SFSWAP: variants seen among roughly 807,000 people sequenced by gnomAD.
SFSWAP encodes splicing factor SWAP, also known as splicing factor, suppressor of white-apricot homolog.
A neutral mutation model predicts 100.7 loss-of-function variants in SFSWAP; 17 were observed. That is an observed-to-expected ratio of 0.17 (90% CI 0.12 to 0.25). The LOEUF (loss-of-function observed/expected upper bound fraction) is 0.25. SFSWAP is among the 10% of genes least tolerant of loss of function. The pLI is 1.00. For missense variants in SFSWAP, 1,005 were observed against 1,262.6 expected, an observed-to-expected ratio of 0.80 and a Z score of 3.09; for synonymous variants, 504 against 510.1, an observed-to-expected ratio of 0.99 and a Z score of 0.16.
At chr12:131,797,137 A>T in intron 15 of SFSWAP, 41 bp from the exon 16 acceptor site, 1 of 1,575,438 alleles carries the variant, frequency 6.3e-7, no homozygotes, top group Non-Finnish European at 8.6e-7. Flanking sequence ...CCCTGCCTTT[A>T]AACCAAAGCT....
chr12:131,717,099 C>T (rs1451189706), intron 3 of SFSWAP, among the ~76,000 whole-genome samples: 1 of 152,076 alleles, frequency 6.6e-6, no homozygotes, highest in African/African-American at 2.4e-5. Flanking sequence ...AAGTGAAACA[C>T]CTAACACACA....
In SFSWAP at chr12:131,778,896, A is replaced by G. The variant is rs1173766706; in HGVS notation, c.2408+566A>G. On this transcript the variant is annotated intron_variant, in intron 14 of 17. Transcript: ENST00000261674. The surrounding 1 kb of genome is among the most constrained non-coding windows in gnomAD (Gnocchi z 4.2). ...TGTTTAAATTCTAATGGTTCCTGGA[A>G]GCAAGCCTACCACATTTGCCGATTG... is the stretch of plus-strand genomic sequence containing the variant. 6.6e-6 allele frequency among the ~76,000 whole-genome samples: 1 copy of G among 152,020 alleles called. No homozygotes were observed. The highest frequency in any genetic ancestry group is 1.5e-5 in the Non-Finnish European group (1 of 67,996).
intron 3 of SFSWAP, among the ~76,000 whole-genome samples, chr12:131,716,158 G>C (rs1671454653): frequency 6.6e-6 from 1 of 152,236 alleles, no homozygotes; most frequent in African/African-American, 2.4e-5. Context: ...TGGGGCAAAC[G>C]CACACACCGG....
At chr12:131,713,993 T>G (rs549001588) in intron 1 of SFSWAP, 78 bp from the exon 2 acceptor site, 1 of 978,102 alleles carries the variant, frequency 1.0e-6, no homozygotes, top group Admixed American at 2.1e-5. Context: ...TATATATATA[T>G]ACATATATAA....
At chr12:131,736,007 C>T (rs998888436) in intron 7 of SFSWAP, among the ~76,000 whole-genome samples, 6 of 152,186 alleles carry the variant, frequency 3.9e-5, no homozygotes, top group Admixed American at 2.6e-4. Context: ...TCTGAAGAGA[C>T]GCGCCTTCTC....
rs774675687 is a variant in SFSWAP at position 131,753,267 on chromosome 12, C to T, written c.1226C>T (p.Thr409Met). The T allele has an allele frequency of 1.4e-5, 22 of 1,613,948 alleles. No individual in the cohort carries two copies. Among genetic ancestry groups the T allele is most frequent in the Middle Eastern group, 1.6e-4 (1 of 6,084 alleles). Reference protein sequence around the residue: ...GVTVSNSPGVTTTAPPPPGTT... With the variant: ...GVTVSNSPGVMTTAPPPPGTT... ...ACCGTGTCTAACTCCCCTGGAGTGA[C>T]GACCACCGCCCCACCACCTCCTGGG... Residue 409 changes from threonine to methionine, a missense_variant, in exon 8 of 18, where the codon ACG becomes ATG. By Grantham distance (81) the Thr-to-Met change is moderately conservative. Transcript: ENST00000261674.
At chr12:131,723,618 G>C (rs978093499) in intron 4 of SFSWAP, among the ~76,000 whole-genome samples, 3 of 152,132 alleles carry the variant, frequency 2.0e-5, no homozygotes, top group Non-Finnish European at 2.9e-5. Context: ...TGCCCCTGGG[G>C]TTCCTTGCTA....
At position 131,753,655 on chromosome 12, in the gene SFSWAP, T is replaced by G. The variant is rs145812905; in HGVS notation, c.1322+292T>G. ...TGTTCTTGCGCTTTGTGTCAGAGTC[T>G]CAGTTGAGCTGTGCTAGGCAAAATC... On this transcript the variant is annotated intron_variant, in intron 8 of 17. Coordinates refer to ENST00000261674, the MANE Select transcript of SFSWAP (RefSeq NM_004592.4). Among the ~76,000 whole-genome samples, 8 of 152,342 alleles carry G rather than the reference T, an allele frequency of 5.3e-5. No individual in the cohort carries two copies. In the South Asian group the frequency reaches 6.2e-4, roughly 12 times the overall value.
At chr12:131,772,036 G>C (rs144642271) in intron 13 of SFSWAP, among the ~76,000 whole-genome samples, 233 of 152,150 alleles carry the variant, frequency 1.5e-3, no homozygotes, top group African/African-American at 5.3e-3. Flanking sequence ...ATGTTTCTTC[G>C]ACCTAGGAAG....
intron 7 of SFSWAP, among the ~76,000 whole-genome samples, chr12:131,747,998 C>G (rs1172998305): frequency 1.3e-5 from 2 of 152,130 alleles, no homozygotes; most frequent in African/African-American, 4.8e-5. Flanking sequence ...CGAGGAAGAG[C>G]CTGGGGCTGT....
intron 13 of SFSWAP, among the ~76,000 whole-genome samples, chr12:131,773,110 G>A (rs191206358): frequency 2.2e-4 from 33 of 152,218 alleles, no homozygotes; most frequent in Admixed American, 1.7e-3. Context: ...CATTCAGGTG[G>A]GAAAACAGGG....
In SFSWAP at chr12:131,711,320, A is replaced by T. The variant is rs1877307976; in HGVS notation, c.91A>T (p.Ser31Cys). 2 of 1,613,684 alleles carry T rather than the reference A, an allele frequency of 1.2e-6. No homozygotes were observed. The highest frequency in any genetic ancestry group is 1.7e-6 in the Non-Finnish European group (2 of 1,179,864). ...AGPGGAGGGG[S>C]RVELLVFGYA... ...GCCAGGCGGTGCCGGCGGTGGGGGCAGCCGAGTGGAGCTCTTGGTTTTCGG... is the reference window on the plus strand; with the variant it reads ...GCCAGGCGGTGCCGGCGGTGGGGGCTGCCGAGTGGAGCTCTTGGTTTTCGG... The change falls in exon 1 of 18, where the codon AGC becomes TGC. Residue 31 changes from serine (S) to cysteine (C), a missense_variant. By Grantham distance (112) the Ser-to-Cys change is moderately radical (BLOSUM62 -1). This residue lies in a region of SFSWAP where 237 missense variants were observed against 337.0 expected (regional missense o/e 0.70). Coordinates refer to ENST00000261674, the MANE Select transcript of SFSWAP (RefSeq NM_004592.4). The surrounding 1 kb of genome is among the most constrained non-coding windows in gnomAD (Gnocchi z 4.9).
At chr12:131,736,105 G>A (rs182495519) in intron 7 of SFSWAP, among the ~76,000 whole-genome samples, 193 of 152,284 alleles carry the variant, frequency 1.3e-3, no homozygotes, top group African/African-American at 4.4e-3. Context: ...CAAACAAGGC[G>A]GCACCAGCAC....
intron 6 of SFSWAP, 106 bp downstream of exon 6, chr12:131,727,158 C>T (rs546031272): frequency 1.4e-6 from 1 of 695,072 alleles, no homozygotes; most frequent in Non-Finnish European, 2.5e-6. Context: ...ACAGTTGTAT[C>T]TTATTTTATC....
At chr12:131,780,190 T>C (rs1884386471) in intron 14 of SFSWAP, among the ~76,000 whole-genome samples, 1 of 152,260 alleles carries the variant, frequency 6.6e-6, no homozygotes, top group African/African-American at 2.4e-5. Context: ...ATTTGATCTT[T>C]CACTCTACAT....
chr12:131,722,101 G>C (rs1248426166), intron 4 of SFSWAP, among the ~76,000 whole-genome samples: 6 of 152,210 alleles, frequency 3.9e-5, no homozygotes, highest in Admixed American at 2.6e-4. Context: ...TGCTGCTTAA[G>C]GGGGCAGGAC....
At chr12:131,726,411 T>C (rs1470528122) in intron 5 of SFSWAP, among the ~76,000 whole-genome samples, 2 of 152,206 alleles carry the variant, frequency 1.3e-5, no homozygotes, top group Non-Finnish European at 2.9e-5. Flanking sequence ...GGTTTCACCA[T>C]GTTGGCCAGG....
chr12:131,780,643 G>A (rs953812687), intron 14 of SFSWAP, among the ~76,000 whole-genome samples: 1 of 152,174 alleles, frequency 6.6e-6, no homozygotes, highest in Admixed American at 6.5e-5. Flanking sequence ...CAGCCTGGGT[G>A]ACAGAGCGAG....
At chr12:131,729,816 C>T (rs953733453) in intron 7 of SFSWAP, among the ~76,000 whole-genome samples, 5 of 152,170 alleles carry the variant, frequency 3.3e-5, no homozygotes, top group Non-Finnish European at 5.9e-5. Flanking sequence ...TCAGTTCAGC[C>T]GGAGATGAAT....
Sources: allele counts gnomAD v4.1 joint callset (sites outside exome capture counted in the v4.1 genomes callset), GRCh38; gene constraint gnomAD v4.1.1; regional missense constraint gnomAD v4.1.1; non-coding constraint Gnocchi (gnomAD v3.1); transcripts MANE v1.5; gene names NCBI Gene and HGNC (gene_info 2026-07-23, HGNC 2026-07-21).